SIL1: variants seen among roughly 807,000 people sequenced by gnomAD.
SIL1 encodes SIL1 nucleotide exchange factor, also known as nucleotide exchange factor SIL1.
Under a neutral mutation model 49.1 loss-of-function variants are expected in SIL1, and 40 were observed. The observed-to-expected ratio is 0.81, with a 90% confidence interval of 0.63 to 1.06. SIL1 has a LOEUF of 1.06. Ranked by LOEUF, SIL1 falls within the 50% of genes least tolerant of loss-of-function variation. The probability of loss-of-function intolerance (pLI) is 0.00; values close to 1 mark genes in which losing one functional copy is unlikely to be tolerated. For synonymous variants in SIL1, 253 were observed against 250.8 expected (o/e 1.01, Z -0.08); for missense variants, 500 against 572.6 (o/e 0.87, Z 1.29).
At chr5:139,104,319 G>A (rs1239046731) in intron 3 of SIL1, among the ~76,000 whole-genome samples, 1 of 152,154 alleles carries the variant, frequency 6.6e-6, no homozygotes, top group Non-Finnish European at 1.5e-5. Context: ...GCTGAAGAAG[G>A]GACTCCTTTC....
At chr5:139,179,378 G>A (rs1363063565) in intron 1 of SIL1, among the ~76,000 whole-genome samples, 2 of 152,208 alleles carry the variant, frequency 1.3e-5, no homozygotes, top group Non-Finnish European at 2.9e-5. Context: ...CTTGGATGAA[G>A]CAGAGATGTG....
At chr5:139,062,496 AG>A (rs912571848) in intron 3 of SIL1, among the ~76,000 whole-genome samples, 7 of 152,104 alleles carry the variant, frequency 4.6e-5, no homozygotes, top group African/African-American at 1.2e-4. Context: ...AGTTTCCCCC[AG>A]GGAACAGCTA....
At chr5:139,042,529 T>C in intron 5 of SIL1, 91 bp downstream of exon 5, 1 of 1,045,244 alleles carries the variant, frequency 9.6e-7, no homozygotes, top group Admixed American at 1.7e-5. Flanking sequence ...CCATGTTTAT[T>C]GCAAGAGTTC....
intron 3 of SIL1, among the ~76,000 whole-genome samples, chr5:139,080,908 T>C (rs1473569517): frequency 6.6e-6 from 1 of 152,244 alleles, no homozygotes; most frequent in Non-Finnish European, 1.5e-5. Context: ...TTTTCGCCAG[T>C]CCCATACCCA....
At chr5:138,969,636 C>G in intron 7 of SIL1, among the ~76,000 whole-genome samples, 1 of 152,210 alleles carries the variant, frequency 6.6e-6, no homozygotes. Flanking sequence ...CAGAGCCACA[C>G]AGGGGAGCAA....
intron 7 of SIL1, among the ~76,000 whole-genome samples, chr5:138,978,210 G>T (rs1425580396): frequency 2.5e-5 from 3 of 121,664 alleles, no homozygotes; most frequent in African/African-American, 9.8e-5. Flanking sequence ...AGTGCCCCCC[G>T]CAACTCTCCC....
rs777827443 is a variant in SIL1 at position 138,947,135 on chromosome 5, C to T, written c.1368G>A (p.Leu456=). The change falls in exon 10 of 10, where the codon TTG becomes TTA. Residue 456 remains leucine, a synonymous_variant. Coordinates refer to ENST00000394817, the MANE Select transcript of SIL1 (RefSeq NM_022464.5). The surrounding 1 kb of genome is among the most constrained non-coding windows in gnomAD (Gnocchi z 4.1). The part of the protein sequence containing the change: ...FQELLGSVNS[L]LKELR The stretch of plus-strand genomic sequence containing the variant: ...TGGGGCCTCATCTCAGCTCCTTCAG[C>T]AAGCTGTTGACAGAGCCCAGCAGCT... The T allele has an allele frequency of 1.1e-5, 18 of 1,613,260 alleles. No homozygotes were observed. The highest frequency in any genetic ancestry group is 1.5e-5 in the Non-Finnish European group (18 of 1,179,680).
chr5:139,015,084 C>T (rs1768369810), intron 7 of SIL1, among the ~76,000 whole-genome samples: 1 of 152,202 alleles, frequency 6.6e-6, no homozygotes, highest in South Asian at 2.1e-4. Flanking sequence ...CAGCCTCCAA[C>T]GTTCTCTGAA....
At position 139,043,112 on chromosome 5, in the gene SIL1, C is replaced by T. The variant is rs1008498506; in HGVS notation, c.354-393G>A. On this transcript the variant is annotated intron_variant, in intron 4 of 9. Coordinates refer to ENST00000394817, the MANE Select transcript of SIL1 (RefSeq NM_022464.5). ...GCTGAGTGTACTATCATACCTTTGT[C>T]TTCAGTCAGCCAAGGGTCTAACAGA... 2.0e-5 allele frequency among the ~76,000 whole-genome samples: 3 copies of T among 152,342 alleles called. No homozygotes were observed. The East Asian group carries it at 5.8e-4, about 29-fold the overall frequency.
At chr5:139,184,724 CTGAAAACAGTAAAATT>C (rs1429486796) in intron 1 of SIL1, among the ~76,000 whole-genome samples, 2 of 152,098 alleles carry the variant, frequency 1.3e-5, no homozygotes, top group Non-Finnish European at 2.9e-5. Flanking sequence ...AAGAATCAGA[CTGAAAACAGTAAAATT>C]TGAAAACAGT....
At chr5:139,091,050 A>C (rs1455928862) in intron 3 of SIL1, among the ~76,000 whole-genome samples, 4 of 152,250 alleles carry the variant, frequency 2.6e-5, no homozygotes, top group Non-Finnish European at 5.9e-5. Flanking sequence ...ATGAAAACAT[A>C]TAAGTACCAA....
At chr5:138,977,043 T>C (rs903764994) in intron 7 of SIL1, among the ~76,000 whole-genome samples, 2 of 152,164 alleles carry the variant, frequency 1.3e-5, no homozygotes, top group African/African-American at 2.4e-5. Flanking sequence ...ACCCTCCAGA[T>C]TGTCCTCCAA....
At chr5:138,979,154 T>G (rs920904347) in intron 7 of SIL1, among the ~76,000 whole-genome samples, 2 of 151,688 alleles carry the variant, frequency 1.3e-5, no homozygotes, top group African/African-American at 4.9e-5. Flanking sequence ...AACCTCTGCC[T>G]CCCGGGTTCA....
intron 3 of SIL1, among the ~76,000 whole-genome samples, chr5:139,120,523 C>G (rs1187667461): frequency 6.6e-6 from 1 of 152,118 alleles, no homozygotes; most frequent in East Asian, 1.9e-4. Context: ...AAGCCTTGGG[C>G]CCAGGCTCAT....
At chr5:139,181,200 T>C (rs1751976131) in intron 1 of SIL1, among the ~76,000 whole-genome samples, 1 of 152,204 alleles carries the variant, frequency 6.6e-6, no homozygotes, top group Non-Finnish European at 1.5e-5. Context: ...CTAGTGTGAC[T>C]CTTAATGTTA....
intron 3 of SIL1, among the ~76,000 whole-genome samples, chr5:139,070,337 G>T (rs1216657960): frequency 6.6e-6 from 1 of 151,884 alleles, no homozygotes; most frequent in Non-Finnish European, 1.5e-5. Context: ...ATGTAATATC[G>T]AAGAGATTAA....
At chr5:139,059,499 C>T (rs1448026014) in intron 3 of SIL1, among the ~76,000 whole-genome samples, 2 of 152,152 alleles carry the variant, frequency 1.3e-5, no homozygotes, top group Non-Finnish European at 2.9e-5. Context: ...TATTATATTA[C>T]ATATATTCTA....
At chr5:139,001,385 C>A (rs1767980868) in intron 7 of SIL1, among the ~76,000 whole-genome samples, 1 of 152,084 alleles carries the variant, frequency 6.6e-6, no homozygotes, top group Admixed American at 6.6e-5. Flanking sequence ...TGCATATGTA[C>A]CCAAGGAGTC....
At chr5:139,163,029 C>T (rs1432954724) in intron 1 of SIL1, among the ~76,000 whole-genome samples, 1 of 151,726 alleles carries the variant, frequency 6.6e-6, no homozygotes, top group East Asian at 1.9e-4. Context: ...GGAGCAAAGG[C>T]CCTCTGTTTA....
Sources: allele counts gnomAD v4.1 joint callset (sites outside exome capture counted in the v4.1 genomes callset), GRCh38; gene constraint gnomAD v4.1.1; non-coding constraint Gnocchi (gnomAD v3.1); transcripts MANE v1.5; gene names NCBI Gene and HGNC (gene_info 2026-07-23, HGNC 2026-07-21).